Variants in GTF2A1L observed in about 807,000 individuals in gnomAD.
The protein encoded by GTF2A1L is TFIIA-alpha and beta-like factor.
In GTF2A1L, 48 loss-of-function variants were observed where a neutral mutation model predicts 49.7. That is an observed-to-expected ratio of 0.97 (90% CI 0.77 to 1.23). GTF2A1L has a LOEUF of 1.23. Among genes scored for constraint, GTF2A1L ranks in the 50% most tolerant of loss-of-function variants. The pLI, the probability that GTF2A1L is intolerant of heterozygous loss-of-function variation, is 0.00. For synonymous variants in GTF2A1L, 246 were observed against 193.5 expected (o/e 1.27, Z -2.25); for missense variants, 736 against 564.8 (o/e 1.30, Z -3.07).
chr2:48,637,973 A>G (rs946317026), intron 3 of GTF2A1L, among the ~76,000 whole-genome samples: 1 of 152,210 alleles, frequency 6.6e-6, no homozygotes, highest in Non-Finnish European at 1.5e-5. Context: ...CAAACTAGAA[A>G]GCCTAGATGA....
intron 8 of GTF2A1L, among the ~76,000 whole-genome samples, chr2:48,672,814 A>G (rs1216604888): frequency 6.6e-6 from 1 of 152,260 alleles, no homozygotes; most frequent in African/African-American, 2.4e-5. Flanking sequence ...TATTTAAAGT[A>G]TACAATTCAA....
intron 7 of GTF2A1L, among the ~76,000 whole-genome samples, chr2:48,671,269 C>A (rs1679148561): frequency 6.6e-6 from 1 of 152,118 alleles, no homozygotes; most frequent in Non-Finnish European, 1.5e-5. Context: ...GTGGTGTGAT[C>A]ACAGCTCACT....
chr2:48,626,922 T>C (rs72806160), intron 3 of GTF2A1L, among the ~76,000 whole-genome samples: 14,361 of 143,830 alleles, frequency 0.1, 2,652 homozygotes, highest in Non-Finnish European at 0.13. Context: ...ATTGTTTTTA[T>C]GATTTTTTGG....
intron 8 of GTF2A1L, among the ~76,000 whole-genome samples, chr2:48,672,910 A>T (rs1372173074): frequency 6.6e-6 from 1 of 152,200 alleles, no homozygotes; most frequent in African/African-American, 2.4e-5. Flanking sequence ...AAGAAACCCC[A>T]TACTTTTTGT....
At chr2:48,618,094 G>C in intron 1 of GTF2A1L, 199 bp downstream of exon 1, 1 of 552,358 alleles carries the variant, frequency 1.8e-6, no homozygotes. Flanking sequence ...AGGAAGTTGG[G>C]CCAGCCCCGC....
intron 8 of GTF2A1L, among the ~76,000 whole-genome samples, chr2:48,673,397 C>G (rs1679281100): frequency 7.9e-6 from 1 of 126,132 alleles, no homozygotes; most frequent in Non-Finnish European, 1.6e-5. Context: ...GAGTCTGGCT[C>G]TGTCGCCCAG....
At chr2:48,649,081 T>A (rs1677700955) in intron 6 of GTF2A1L, among the ~76,000 whole-genome samples, 1 of 152,190 alleles carries the variant, frequency 6.6e-6, no homozygotes, top group South Asian at 2.1e-4. Flanking sequence ...TTTCACAAAA[T>A]ATATTCTTGA....
intron 6 of GTF2A1L, among the ~76,000 whole-genome samples, chr2:48,648,835 G>A (rs1219874522): frequency 6.6e-6 from 1 of 152,086 alleles, no homozygotes; most frequent in Non-Finnish European, 1.5e-5. Context: ...ACGTACAAGA[G>A]TATATGTAAA....
chr2:48,647,147 T>C (rs1677565697), intron 6 of GTF2A1L, 105 bp downstream of exon 6: 2 of 1,100,426 alleles, frequency 1.8e-6, no homozygotes, highest in African/African-American at 1.6e-5. Context: ...ATTATATATA[T>C]TTTGTTTTTT....
chr2:48,625,757 A>AT lies in GTF2A1L; in HGVS notation c.247+4473dup, dbSNP rs1452063433. On this transcript the variant is annotated intron_variant, in intron 3 of 8. Transcript: ENST00000403751. ...TCTATCATGCCTGGCTAATTTTCACATTTTTTGTAGAGACCAGGTTTTGCT... is the reference window on the plus strand; with the variant it reads ...TCTATCATGCCTGGCTAATTTTCACATTTTTTTGTAGAGACCAGGTTTTGCT... Among the ~76,000 whole-genome samples the AT allele has an allele frequency of 1.4e-5, 2 of 142,190 alleles. 1 individual carries two copies. 93.3% of individuals were successfully genotyped at this position (142,190 alleles called of 152,430 possible). A position where few individuals can be genotyped will look rare whatever the true frequency, so the allele number is the denominator to read the frequency against.
intron 6 of GTF2A1L, among the ~76,000 whole-genome samples, chr2:48,655,133 G>T (rs1678099599): frequency 2.0e-5 from 3 of 148,702 alleles, no homozygotes; most frequent in Non-Finnish European, 3.0e-5. Flanking sequence ...ATGGACATAA[G>T]TTTTTTTTTT....
intron 6 of GTF2A1L, among the ~76,000 whole-genome samples, chr2:48,659,803 G>T (rs947114041): frequency 1.3e-5 from 2 of 151,886 alleles, no homozygotes; most frequent in African/African-American, 4.8e-5. Context: ...GCTGATTTTG[G>T]TGTGTTGATT....
chr2:48,667,387 C>A (rs1348797584), intron 6 of GTF2A1L, among the ~76,000 whole-genome samples: 1 of 152,164 alleles, frequency 6.6e-6, no homozygotes, highest in African/African-American at 2.4e-5. Flanking sequence ...TCTGTAAGGG[C>A]TGTCCCTCCT....
At chr2:48,652,789 G>A (rs1677929134) in intron 6 of GTF2A1L, among the ~76,000 whole-genome samples, 1 of 150,350 alleles carries the variant, frequency 6.7e-6, no homozygotes, top group Non-Finnish European at 1.5e-5. Flanking sequence ...TTGCCTCCCA[G>A]GTTCAAGAGA....
rs1675748249 is a variant in GTF2A1L, at chr2:48,617,883, C to T, written c.9C>T (p.Cys3=). Residue 3 remains cysteine, a synonymous_variant, in exon 1 of 9, where the codon TGC becomes TGT. Coordinates refer to ENST00000403751, the MANE Select transcript of GTF2A1L (RefSeq NM_006872.5). ...GTGCTGGAGGTGCTGTCATGGCCTGCCTCAACCCGGTGGTAAGGAAGACCT... is the reference window on the plus strand; with the variant it reads ...GTGCTGGAGGTGCTGTCATGGCCTGTCTCAACCCGGTGGTAAGGAAGACCT... MA[C]LNPVPKLYRS... The T allele has an allele frequency of 1.9e-6, 3 of 1,551,848 alleles. No homozygotes were observed. Among genetic ancestry groups the T allele is most frequent in the East Asian group, 2.4e-5 (1 of 40,922 alleles).
In GTF2A1L at chr2:48,642,978, A is replaced by G. The variant is rs549753716; in HGVS notation, c.303+521A>G. On this transcript the variant is annotated intron_variant, in intron 4 of 8. Transcript: ENST00000403751. ...TTCTTGCCAAGTTTTCCTGTCTTTCAGAGCAGTTGTTAGCATCTTCCAAGA... is the reference window on the plus strand; with the variant it reads ...TTCTTGCCAAGTTTTCCTGTCTTTCGGAGCAGTTGTTAGCATCTTCCAAGA... 9.2e-5 allele frequency among the ~76,000 whole-genome samples: 14 copies of G among 152,334 alleles called. No individual in the cohort carries two copies. The South Asian group carries it at 2.5e-3, about 27-fold the overall frequency.
At chr2:48,672,766 T>A (rs1303887581) in intron 8 of GTF2A1L, among the ~76,000 whole-genome samples, 1 of 152,224 alleles carries the variant, frequency 6.6e-6, no homozygotes, top group Non-Finnish European at 1.5e-5. Flanking sequence ...ATTCTTAAAG[T>A]GGCTTTGAGA....
At chr2:48,628,550 C>T (rs1215071268) in intron 3 of GTF2A1L, among the ~76,000 whole-genome samples, 2 of 143,936 alleles carry the variant, frequency 1.4e-5, no homozygotes, top group African/African-American at 4.9e-5. Context: ...CTTTTGCCCA[C>T]TTTTTAATGG....
chr2:48,639,392 C>T (rs972225816), intron 3 of GTF2A1L, among the ~76,000 whole-genome samples: 6 of 152,158 alleles, frequency 3.9e-5, no homozygotes, highest in African/African-American at 1.4e-4. Flanking sequence ...GGAAATAAGG[C>T]TGCACACCTG....
Sources: allele counts gnomAD v4.1 joint callset (sites outside exome capture counted in the v4.1 genomes callset), GRCh38; gene constraint gnomAD v4.1.1; transcripts MANE v1.5; gene names NCBI Gene and HGNC (gene_info 2026-07-23, HGNC 2026-07-21).